Variants in RELCH observed in about 807,000 individuals in gnomAD.
The protein encoded by RELCH is RAB11 binding and LisH domain, coiled-coil and HEAT repeat containing.
In RELCH, 41 loss-of-function variants were observed where a neutral mutation model predicts 150.3. The ratio of observed to expected loss-of-function variants is 0.27; its 90% CI spans 0.21 to 0.35. RELCH has a LOEUF of 0.35. Among genes scored for constraint, RELCH ranks in the 10% least tolerant of loss-of-function variants. The probability of loss-of-function intolerance (pLI) is 1.00; values close to 1 mark genes in which losing one functional copy is unlikely to be tolerated. For missense variants in RELCH, 1,092 were observed against 1,467.8 expected, an observed-to-expected ratio of 0.74 and a Z score of 4.18; for synonymous variants, 478 against 531.8, an observed-to-expected ratio of 0.90 and a Z score of 1.39.
chr18:62,291,664 T>A (rs759997685), intron 27 of RELCH, 33 bp downstream of exon 27: 1 of 1,364,124 alleles, frequency 7.3e-7, no homozygotes, highest in Admixed American at 1.7e-5. Flanking sequence ...GCCATATTCA[T>A]GTTTTAATAC....
Position 62,291,575 on chromosome 18 carries a change from T to C in RELCH, c.3403T>C (p.Leu1135=). Residue 1135 remains leucine, a synonymous_variant, in exon 27 of 29, where the codon TTA becomes CTA. Coordinates refer to ENST00000644646, the MANE Select transcript of RELCH (RefSeq NM_001346231.2). The stretch of plus-strand genomic sequence containing the variant: ...AGAGGATTTAATGGTTAATCACTTT[T>C]TACCTGGTCTCAGATGTTTACGGAC... ...ISEDLMVNHF[L]PGLRCLRTDM... The C allele has an allele frequency of 2.5e-6, 4 of 1,611,060 alleles. No individual in the cohort carries two copies. The highest frequency in any genetic ancestry group is 3.4e-6 in the Non-Finnish European group (4 of 1,178,502).
chr18:62,219,458 G>C (rs545981498), intron 2 of RELCH, among the ~76,000 whole-genome samples: 5 of 143,674 alleles, frequency 3.5e-5, no homozygotes, highest in Non-Finnish European at 3.0e-5. Context: ...GATACAGTTA[G>C]ATATTTTTAA....
rs546722188 is a variant in RELCH at position 62,214,761 on chromosome 18, G to A, written c.616+3519G>A. ...GGAGCTGCACCACAAGCCTCACTTG[G>A]ACCTGCTGGAGCCATAGATGGAGTG... is the stretch of plus-strand genomic sequence containing the variant. On this transcript the variant is annotated intron_variant, in intron 2 of 28. Coordinates refer to ENST00000644646, the MANE Select transcript of RELCH (RefSeq NM_001346231.2). Among the ~76,000 whole-genome samples, 53 of 152,274 alleles carry A rather than the reference G, an allele frequency of 3.5e-4. 1 individual carries two copies. The highest frequency in any genetic ancestry group is 6.8e-3 in the Middle Eastern group (2 of 294).
intron 10 of RELCH, among the ~76,000 whole-genome samples, chr18:62,236,532 A>G (rs558433867): frequency 4.6e-5 from 7 of 151,904 alleles, no homozygotes; most frequent in Middle Eastern, 3.4e-3. Flanking sequence ...GGGATTTTCT[A>G]CTTAATCAGT....
In RELCH at chr18:62,258,505, T is replaced by C; in HGVS notation, c.2038-7T>C. 1.2e-6 allele frequency: 2 copies of C among 1,600,726 alleles called. No homozygotes were observed. The highest frequency in any genetic ancestry group is 1.7e-6 in the Non-Finnish European group (2 of 1,175,506). Reference sequence around the variant, plus strand: ...AAAATCTACATTTGCCTTTTTCTCATTGACAGGGTTTTGAATTGTTGCTGT... The same window carrying C: ...AAAATCTACATTTGCCTTTTTCTCACTGACAGGGTTTTGAATTGTTGCTGT... On this transcript the variant is annotated splice_region_variant and splice_polypyrimidine_tract_variant and intron_variant, in intron 14 of 28. Coordinates refer to ENST00000644646, the MANE Select transcript of RELCH (RefSeq NM_001346231.2).
chr18:62,304,379 T>C (rs141116940), intron 28 of RELCH, among the ~76,000 whole-genome samples: 1 of 152,284 alleles, frequency 6.6e-6, no homozygotes, highest in East Asian at 1.9e-4. Flanking sequence ...GTTTGGTTTT[T>C]AACTTGAGTA....
intron 1 of RELCH, among the ~76,000 whole-genome samples, chr18:62,190,503 G>C (rs984857399): frequency 2.0e-5 from 3 of 151,784 alleles, no homozygotes; most frequent in Non-Finnish European, 2.9e-5. Context: ...CTTGAACCCA[G>C]GAGGCAGAGG....
intron 2 of RELCH, among the ~76,000 whole-genome samples, chr18:62,215,062 A>G (rs1450227652): frequency 6.6e-6 from 1 of 152,074 alleles, no homozygotes; most frequent in East Asian, 1.9e-4. Flanking sequence ...TACGTTTTCA[A>G]TCTTTACATG....
intron 1 of RELCH, among the ~76,000 whole-genome samples, chr18:62,209,449 T>C (rs1028976701): frequency 3.3e-5 from 5 of 152,194 alleles, no homozygotes; most frequent in South Asian, 2.1e-4. Context: ...TGACCATAAA[T>C]GTAAGGGCTT....
chr18:62,234,288 T>G (rs373157473), intron 10 of RELCH, among the ~76,000 whole-genome samples: 2 of 151,208 alleles, frequency 1.3e-5, no homozygotes, highest in East Asian at 3.9e-4. Flanking sequence ...ACAGAGAGAG[T>G]TGTTGGTTTT....
At position 62,242,518 on chromosome 18, in the gene RELCH, C is replaced by T. The variant is rs76369400; in HGVS notation, c.1621-2246C>T. ...ATTTGTGCATTAATCTTAATTCCTA[C>T]GTGTTTCACTTGAAGAAACTGAAAG... is the stretch of plus-strand genomic sequence containing the variant. On this transcript the variant is annotated intron_variant, in intron 10 of 28. Transcript: ENST00000644646. 8.5e-5 allele frequency among the ~76,000 whole-genome samples: 13 copies of T among 152,264 alleles called. No individual in the cohort carries two copies. The East Asian group carries it at 2.5e-3, about 29-fold the overall frequency.
intron 27 of RELCH, among the ~76,000 whole-genome samples, chr18:62,296,315 T>C (rs1600280154): frequency 6.6e-6 from 1 of 152,190 alleles, no homozygotes; most frequent in South Asian, 2.1e-4. Context: ...CAGCCAGGCG[T>C]GGTGGCCCAC....
chr18:62,215,528 G>C (rs1304683474), intron 2 of RELCH, among the ~76,000 whole-genome samples: 1 of 152,092 alleles, frequency 6.6e-6, no homozygotes, highest in Non-Finnish European at 1.5e-5. Context: ...TTCCTTCAAA[G>C]AGGAAGGGAT....
At chr18:62,266,244 GATGA>G (rs2043555341) in intron 18 of RELCH, among the ~76,000 whole-genome samples, 1 of 151,544 alleles carries the variant, frequency 6.6e-6, no homozygotes, top group Admixed American at 6.6e-5. Context: ...AATATCACAG[GATGA>G]ATATGTTACT....
chr18:62,208,090 G>A (rs957161717), intron 1 of RELCH, among the ~76,000 whole-genome samples: 2 of 152,062 alleles, frequency 1.3e-5, no homozygotes, highest in African/African-American at 4.8e-5. Flanking sequence ...CCATCTAGTT[G>A]ATTTGAAATG....
chr18:62,187,941 G>A lies in RELCH; in HGVS notation c.436G>A (p.Gly146Arg). The A allele has an allele frequency of 1.3e-6, 2 of 1,598,690 alleles. No individual in the cohort carries two copies. The highest frequency in any genetic ancestry group is 1.7e-6 in the Non-Finnish European group (2 of 1,173,692). Residue 146 changes from glycine to arginine, a missense_variant, in exon 1 of 29, where the codon GGG (glycine) becomes AGG (arginine). Physicochemically the swap from Gly to Arg is moderately radical, Grantham distance 125. Coordinates refer to ENST00000644646, the MANE Select transcript of RELCH (RefSeq NM_001346231.2). ...NFERQSGTPP[G>R]MGAPGVPGAA... ...CGAGAGGCAAAGTGGAACCCCGCCG[G>A]GGATGGGGGCGCCAGGGGTCCCTGG...
At position 62,187,401 on chromosome 18, in the gene RELCH, A is replaced by C. The variant is rs1052155025; in HGVS notation, c.-105A>C. 2 of 1,128,354 alleles carry C rather than the reference A, an allele frequency of 1.8e-6. No homozygotes were observed. The highest frequency in any genetic ancestry group is 2.3e-5 in the South Asian group (1 of 42,776). The allele number at this position is 1,128,354 out of a possible 1,614,324, so 69.9% of individuals were successfully genotyped here. On this transcript the variant is annotated 5_prime_UTR_variant, in exon 1 of 29. Coordinates refer to ENST00000644646, the MANE Select transcript of RELCH (RefSeq NM_001346231.2). ...CTAAGTCGGGAGGCAGGACGTGGTC[A>C]GGCCGGGGCTGTGGAGGTGCGCTGT...
At chr18:62,248,763 C>T (rs75515213) in intron 11 of RELCH, among the ~76,000 whole-genome samples, 10,166 of 152,068 alleles carry the variant, frequency 0.067, 411 homozygotes, top group Middle Eastern at 0.15. Flanking sequence ...TAAAGAGATA[C>T]GGTATGTTAT....
chr18:62,283,399 T>C (rs1346627640), intron 25 of RELCH, among the ~76,000 whole-genome samples: 4 of 152,210 alleles, frequency 2.6e-5, no homozygotes, highest in Non-Finnish European at 5.9e-5. Flanking sequence ...ATCATAGCTC[T>C]TTTATTTTTA....
Sources: allele counts gnomAD v4.1 joint callset (sites outside exome capture counted in the v4.1 genomes callset), GRCh38; gene constraint gnomAD v4.1.1; transcripts MANE v1.5; gene names NCBI Gene and HGNC (gene_info 2026-07-23, HGNC 2026-07-21).